Variants in CDC45 observed in about 807,000 individuals in gnomAD.
CDC45 encodes cell division cycle 45, also known as cell division control protein 45 homolog.
In CDC45, 54 loss-of-function variants were observed where a neutral mutation model predicts 77.8. The observed-to-expected ratio is 0.69, with a 90% CI of 0.56 to 0.87. The LOEUF is 0.87. Ranked by LOEUF, CDC45 falls within the 40% of genes least tolerant of loss-of-function variation. The pLI is 0.00. For missense variants in CDC45, 649 were observed against 721.6 expected, an observed-to-expected ratio of 0.90 and a Z score of 1.15; for synonymous variants, 260 against 272.1, an observed-to-expected ratio of 0.96 and a Z score of 0.44.
intron 3 of CDC45, 148 bp from the exon 4 acceptor site, chr22:19,482,542 C>A: frequency 1.3e-6 from 1 of 761,592 alleles, no homozygotes; most frequent in Non-Finnish European, 2.1e-6. Context: ...GCATGCCAGC[C>A]TGGCCATTTT....
At chr22:19,515,241 T>G (rs575869612) in intron 15 of CDC45, among the ~76,000 whole-genome samples, 193 bp downstream of exon 15, 6 of 152,334 alleles carry the variant, frequency 3.9e-5, no homozygotes, top group Non-Finnish European at 8.8e-5. Flanking sequence ...TCTCAAGCTC[T>G]GATTCATCAC....
chr22:19,479,865 T>C (rs1159518932), upstream of CDC45: 4 of 1,147,960 alleles, frequency 3.5e-6, no homozygotes. Flanking sequence ...TATTGGTTGG[T>C]GATCCCTGGA....
At chr22:19,494,256 C>T in intron 5 of CDC45, 71 bp from the exon 6 acceptor site, 2 of 1,422,030 alleles carry the variant, frequency 1.4e-6, no homozygotes, top group South Asian at 1.2e-5. Flanking sequence ...CAAATTGGAA[C>T]CTTCTTGGGC....
At chr22:19,484,118 G>A in intron 5 of CDC45, 113 bp downstream of exon 5, 1 of 1,028,034 alleles carries the variant, frequency 9.7e-7, no homozygotes, top group Non-Finnish European at 1.4e-6. Flanking sequence ...AAGTGGAAAA[G>A]TTAGCAGGCA....
At chr22:19,517,115 C>T (rs1933842922) in intron 17 of CDC45, among the ~76,000 whole-genome samples, 1 of 152,258 alleles carries the variant, frequency 6.6e-6, no homozygotes, top group East Asian at 1.9e-4. Flanking sequence ...AATGACTGGC[C>T]TGGCTGTGGC....
Position 19,514,898 on chromosome 22 carries a change from C to T in CDC45, c.1356+11C>T, listed in dbSNP as rs1256612991. 1 of 1,614,234 alleles carries T rather than the reference C, an allele frequency of 6.2e-7. No homozygotes were observed. Among genetic ancestry groups the T allele is most frequent in the South Asian group, 1.1e-5 (1 of 91,090 alleles). Reference sequence around the variant, plus strand: ...TGCTCTCTCATGGAGGTCAGGCTTCCCACAGAGCACAGGCGCCTGGTCACA... The same window carrying T: ...TGCTCTCTCATGGAGGTCAGGCTTCTCACAGAGCACAGGCGCCTGGTCACA... On this transcript the variant is annotated intron_variant, in intron 14 of 18. Coordinates refer to ENST00000263201, the MANE Select transcript of CDC45 (RefSeq NM_003504.5).
At position 19,481,409 on chromosome 22, in the gene CDC45, C is replaced by T. The variant is rs991335125; in HGVS notation, c.204+364C>T. Among the ~76,000 whole-genome samples, 45 of 151,864 alleles carry T rather than the reference C, an allele frequency of 3.0e-4. 1 individual carries two copies. The highest frequency in any genetic ancestry group is 9.9e-4 in the African/African-American group (41 of 41,324). Reference sequence around the variant, plus strand: ...TTTTATTTTTTTTGAAACGGAGTCTCGCTGTGTCGCCCAGGCTGGAGTGCA... The same window carrying T: ...TTTTATTTTTTTTGAAACGGAGTCTTGCTGTGTCGCCCAGGCTGGAGTGCA... On this transcript the variant is annotated intron_variant, in intron 3 of 18. Coordinates refer to ENST00000263201, the MANE Select transcript of CDC45 (RefSeq NM_003504.5).
intron 6 of CDC45, chr22:19,494,592 A>C (rs969692772): frequency 1.3e-6 from 2 of 1,544,408 alleles, no homozygotes; most frequent in African/African-American, 2.7e-5. Flanking sequence ...GACAGCCCCA[A>C]GGTCTCCCAG....
At chr22:19,493,373 C>G (rs2090185608) in intron 5 of CDC45, among the ~76,000 whole-genome samples, 1 of 152,140 alleles carries the variant, frequency 6.6e-6, no homozygotes, top group South Asian at 2.1e-4. Flanking sequence ...TTCCTCATGT[C>G]CCAGAGTCCC....
In CDC45 at chr22:19,507,626, A is replaced by T. The variant is rs145928779; in HGVS notation, c.956+109A>T. ...GTTATAAAATGCAGCCTGTTCTGCC[A>T]TAAGCTCCTTGCCCTAGATCCCAGA... On this transcript the variant is annotated intron_variant, in intron 11 of 18. Coordinates refer to ENST00000263201, the MANE Select transcript of CDC45 (RefSeq NM_003504.5). 96 of 1,453,950 alleles carry T rather than the reference A, an allele frequency of 6.6e-5. No individual in the cohort carries two copies. The East Asian group carries it at 2.2e-3, about 33-fold the overall frequency. The allele number at this position is 1,453,950 out of a possible 1,614,324, so 90.1% of individuals were successfully genotyped here.
intron 13 of CDC45, among the ~76,000 whole-genome samples, chr22:19,513,040 A>G (rs1437224072): frequency 6.6e-6 from 1 of 152,218 alleles, no homozygotes; most frequent in African/African-American, 2.4e-5. Context: ...CTAATAGAGT[A>G]AGAACTCACT....
Position 19,507,813 on chromosome 22 carries a change from C to T in CDC45, c.1004C>T (p.Ser335Phe), listed in dbSNP as rs752759929. 4.4e-6 allele frequency: 7 copies of T among 1,602,340 alleles called. No individual in the cohort carries two copies. Among genetic ancestry groups the T allele is most frequent in the Non-Finnish European group, 5.9e-6 (7 of 1,176,632 alleles). Reference protein sequence around the residue: ...VKQKFQAMDISLKENLREMIE... With the variant: ...VKQKFQAMDIFLKENLREMIE... ...CAGAAGTTCCAGGCCATGGACATCT[C>T]CTTGAAGGAGAATTTGCGGGAAATG... The change falls in exon 12 of 19, where the codon TCC (serine) becomes TTC (phenylalanine). Residue 335 changes from serine to phenylalanine, a missense_variant. Physicochemically the swap from Ser to Phe is radical, Grantham distance 155 (BLOSUM62 -2). Coordinates refer to ENST00000263201, the MANE Select transcript of CDC45 (RefSeq NM_003504.5).
intron 17 of CDC45, among the ~76,000 whole-genome samples, chr22:19,517,696 C>T (rs1157631497): frequency 6.6e-6 from 1 of 152,156 alleles, no homozygotes; most frequent in Non-Finnish European, 1.5e-5. Context: ...TCACTGTGTC[C>T]TCACGTGGTC....
In CDC45 at chr22:19,518,844, T is replaced by C. The variant is rs766211638; in HGVS notation, c.1637T>C (p.Val546Ala). The C allele has an allele frequency of 3.1e-6, 5 of 1,613,632 alleles. No individual in the cohort carries two copies. In the South Asian group the frequency reaches 4.4e-5, roughly 14 times the overall value. ...RMLHNHFDLS[V>A]IELKAEDRSK... is the part of the protein sequence containing the mutation. Reference sequence around the variant, plus strand: ...GGCTGTTTTTCTTTCATTACTTCAGTAATTGAGCTGAAAGCTGAGGATCGG... The same window carrying C: ...GGCTGTTTTTCTTTCATTACTTCAGCAATTGAGCTGAAAGCTGAGGATCGG... Residue 546 changes from valine to alanine, a missense_variant and splice_region_variant, in exon 18 of 19, where the codon GTA becomes GCA. By Grantham distance (64) the Val-to-Ala change is moderately conservative. Coordinates refer to ENST00000263201, the MANE Select transcript of CDC45 (RefSeq NM_003504.5).
At chr22:19,496,295 G>A (rs145918922) in intron 7 of CDC45, among the ~76,000 whole-genome samples, 3 of 152,292 alleles carry the variant, frequency 2.0e-5, no homozygotes, top group African/African-American at 4.8e-5. Flanking sequence ...GAAGAGCAGC[G>A]TTTATTTTTG....
At chr22:19,488,688 A>T (rs2090110296) in intron 5 of CDC45, among the ~76,000 whole-genome samples, 1 of 152,210 alleles carries the variant, frequency 6.6e-6, no homozygotes. Context: ...ACTAGGTGGT[A>T]CAATTCAATG....
chr22:19,507,184 T>C (rs150332020), intron 10 of CDC45, among the ~76,000 whole-genome samples: 2 of 152,376 alleles, frequency 1.3e-5, no homozygotes, highest in Admixed American at 6.5e-5. Context: ...TGGTGGTCTA[T>C]GCCTGTCACT....
rs529704892 is a variant in CDC45 at position 19,483,549 on chromosome 22, G to A, written c.343-313G>A. Among the ~76,000 whole-genome samples the A allele has an allele frequency of 7.9e-5, 12 of 152,318 alleles. No individual in the cohort carries two copies. The East Asian group carries it at 1.7e-3, about 22-fold the overall frequency. The stretch of plus-strand genomic sequence containing the variant: ...TCAGACAGAGGCCAAGTTGTGGGGC[G>A]TTCATTTTATTGGTGTATGACGTAA... On this transcript the variant is annotated intron_variant, in intron 4 of 18. Coordinates refer to ENST00000263201, the MANE Select transcript of CDC45 (RefSeq NM_003504.5).
chr22:19,499,039 C>T (rs920431550), intron 8 of CDC45, 62 bp from the exon 9 acceptor site: 15 of 1,540,320 alleles, frequency 9.7e-6, no homozygotes, highest in Admixed American at 1.7e-5. Flanking sequence ...TCACTCCATC[C>T]CCCAGGCCTC....
Sources: allele counts gnomAD v4.1 joint callset (sites outside exome capture counted in the v4.1 genomes callset), GRCh38; gene constraint gnomAD v4.1.1; transcripts MANE v1.5; gene names NCBI Gene and HGNC (gene_info 2026-07-23, HGNC 2026-07-21).